IWS1: variants seen among roughly 807,000 people sequenced by gnomAD.
The protein encoded by IWS1 is interacts with SUPT6H, CTD assembly factor 1.
Under a neutral mutation model 86.7 loss-of-function variants are expected in IWS1, and 27 were observed. The observed-to-expected ratio is 0.31, with a 90% CI of 0.23 to 0.43. The LOEUF (loss-of-function observed/expected upper bound fraction) is 0.43. Among genes scored for constraint, IWS1 ranks in the 20% least tolerant of loss-of-function variants. The pLI is 1.00. For synonymous variants in IWS1, 313 were observed against 335.1 expected (o/e 0.93, Z 0.72); for missense variants, 827 against 1,000.8 (o/e 0.83, Z 2.34).
chr2:127,515,879 G>A (rs1321934916), intron 2 of IWS1, among the ~76,000 whole-genome samples: 4 of 152,122 alleles, frequency 2.6e-5, no homozygotes, highest in Admixed American at 6.6e-5. Flanking sequence ...GGAAGAGCAG[G>A]GCATCAGCAT....
At chr2:127,502,914 C>A (rs1360566787) in intron 4 of IWS1, 42 bp from the exon 5 acceptor site, 1 of 1,145,002 alleles carries the variant, frequency 8.7e-7, no homozygotes, top group South Asian at 1.3e-5. Context: ...TTGCTTTATC[C>A]TCATTTGCAT....
chr2:127,503,701 TAAATA>T (rs1553435794), intron 3 of IWS1, 125 bp from the exon 4 acceptor site: 1 of 326,038 alleles, frequency 3.1e-6, no homozygotes. Flanking sequence ...AATAAATAAA[TAAATA>T]AAATAAAATC....
intron 2 of IWS1, among the ~76,000 whole-genome samples, chr2:127,517,952 A>G (rs1048309188): frequency 1.3e-5 from 2 of 152,238 alleles, no homozygotes; most frequent in South Asian, 2.1e-4. Context: ...GCTAAGTGAA[A>G]TAAGTCACAA....
chr2:127,503,635 C>T, intron 3 of IWS1, 59 bp from the exon 4 acceptor site: 1 of 1,186,348 alleles, frequency 8.4e-7, no homozygotes, highest in South Asian at 2.2e-5. Flanking sequence ...TATTACTAAG[C>T]ATAACAGGTG....
In IWS1 at chr2:127,493,334, T is replaced by C; in HGVS notation, c.1876A>G (p.Arg626Gly). 1 of 1,613,820 alleles carries C rather than the reference T, an allele frequency of 6.2e-7. No individual in the cohort carries two copies. Among genetic ancestry groups the C allele is most frequent in the Non-Finnish European group, 8.5e-7 (1 of 1,179,890 alleles). The change falls in exon 9 of 14, where the codon AGG becomes GGG. Residue 626 changes from arginine to glycine, a missense_variant. Transcript: ENST00000295321. The stretch of plus-strand genomic sequence containing the variant: ...CGGATCTTGAGTGCAGGCAAACTCC[T>C]ATCTGGTAGAGGTGAGAGCCATTCT... ...IKEWLSPLPD[R>G]SLPALKIREE...
In IWS1 at chr2:127,495,983, A is replaced by G. The variant is rs1169185441; in HGVS notation, c.1716+15T>C. On this transcript the variant is annotated intron_variant, in intron 7 of 13. Transcript: ENST00000295321. Reference sequence around the variant, plus strand: ...GGGAGGAAAAAAAGGTGAACCTAGAAGCGACCCAGCTCACCTCAGCAGCTT... The same window carrying G: ...GGGAGGAAAAAAAGGTGAACCTAGAGGCGACCCAGCTCACCTCAGCAGCTT... 3 of 1,595,318 alleles carry G rather than the reference A, an allele frequency of 1.9e-6. No homozygotes were observed. The highest frequency in any genetic ancestry group is 2.6e-6 in the Non-Finnish European group (3 of 1,171,630).
rs370254681 is a variant in IWS1, at chr2:127,498,131, C to A, written c.1565+9G>T. ...TTCTCTTTAACAAATTCCTTAAAAA[C>A]AAACTTACTGTTTTCCTCTCTTTAT... is the stretch of plus-strand genomic sequence containing the variant. On this transcript the variant is annotated intron_variant, in intron 6 of 13. Coordinates refer to ENST00000295321, the MANE Select transcript of IWS1 (RefSeq NM_017969.3). The A allele has an allele frequency of 6.4e-7, 1 of 1,563,252 alleles. No individual in the cohort carries two copies. Among genetic ancestry groups the A allele is most frequent in the African/African-American group, 1.4e-5 (1 of 73,632 alleles).
At chr2:127,515,421 C>T (rs1177551501) in intron 2 of IWS1, among the ~76,000 whole-genome samples, 1 of 152,136 alleles carries the variant, frequency 6.6e-6, no homozygotes, top group Non-Finnish European at 1.5e-5. Context: ...CAGGCAGGAC[C>T]CGGAGGTCCT....
intron 10 of IWS1, among the ~76,000 whole-genome samples, chr2:127,490,413 G>A (rs372328545): frequency 1.3e-5 from 2 of 152,176 alleles, no homozygotes; most frequent in East Asian, 3.8e-4. Flanking sequence ...AATAGTGCGG[G>A]TGGAGACTTT....
At chr2:127,510,292 C>A (rs992592811) in intron 2 of IWS1, among the ~76,000 whole-genome samples, 2 of 152,096 alleles carry the variant, frequency 1.3e-5, no homozygotes, top group African/African-American at 4.8e-5. Context: ...GCTGTCAATC[C>A]AATGTAGTTC....
At chr2:127,500,814 G>A (rs1021393353) in intron 5 of IWS1, among the ~76,000 whole-genome samples, 1 of 151,572 alleles carries the variant, frequency 6.6e-6, no homozygotes, top group Non-Finnish European at 1.5e-5. Flanking sequence ...GCTCATTTTC[G>A]ACTGATTAGT....
At chr2:127,510,494 GTTTGT>G (rs1201339653) in intron 2 of IWS1, among the ~76,000 whole-genome samples, 1 of 152,016 alleles carries the variant, frequency 6.6e-6, no homozygotes, top group Non-Finnish European at 1.5e-5. Flanking sequence ...TGTTTGTTTG[GTTTGT>G]TTTGTCTTTT....
intron 7 of IWS1, 77 bp from the exon 8 acceptor site, chr2:127,495,031 C>T (rs1268132952): frequency 2.4e-6 from 2 of 826,456 alleles, no homozygotes; most frequent in Non-Finnish European, 3.8e-6. Flanking sequence ...AATTCTGAAC[C>T]TTAAAATAAC....
At chr2:127,526,885 A>T (rs1573584022), upstream of IWS1, 2 of 339,406 alleles carry the variant, frequency 5.9e-6, no homozygotes, top group East Asian at 1.6e-4. Flanking sequence ...GACTTGTAGT[A>T]TGACGCCCGC....
chr2:127,483,001 G>C (rs1689713662), intron 13 of IWS1: 2 of 145,848 alleles, frequency 1.4e-5, no homozygotes, highest in Non-Finnish European at 3.0e-5. Context: ...ACCCAATAAG[G>C]TATAAAAGAA....
At chr2:127,522,276 C>T (rs1219537497) in intron 2 of IWS1, among the ~76,000 whole-genome samples, 3 of 152,164 alleles carry the variant, frequency 2.0e-5, no homozygotes, top group African/African-American at 7.2e-5. Context: ...TCCTTTGCCT[C>T]CCTTCACACC....
At chr2:127,525,193 T>C (rs1263389493) in intron 1 of IWS1, among the ~76,000 whole-genome samples, 2 of 151,872 alleles carry the variant, frequency 1.3e-5, no homozygotes, top group Admixed American at 1.3e-4. Flanking sequence ...ACTCCTGGGC[T>C]CAAGCCATCG....
At position 127,502,788 on chromosome 2, in the gene IWS1, G is replaced by A. The variant is rs1320581850; in HGVS notation, c.1467+27C>T. The A allele has an allele frequency of 8.4e-6, 11 of 1,309,082 alleles. No homozygotes were observed. In the Admixed American group the frequency reaches 8.7e-5, roughly 10 times the overall value. The allele number at this position is 1,309,082 out of a possible 1,614,324, so 81.1% of individuals were successfully genotyped here. ...AACACCAAAAAAAAGCACAATCAAG[G>A]AGGAAATATTTCCATCTTATACTTA... On this transcript the variant is annotated intron_variant, in intron 5 of 13. Transcript: ENST00000295321.
In IWS1 at chr2:127,499,178, C is replaced by T. The variant is rs1318808858; in HGVS notation, c.1468-941G>A. Among the ~76,000 whole-genome samples the T allele has an allele frequency of 1.3e-5, 2 of 151,490 alleles. No homozygotes were observed. The highest frequency in any genetic ancestry group is 6.6e-5 in the Admixed American group (1 of 15,210). ...TGATCTCGGCTCACTGCAAGCTCCA[C>T]CTCCCGGGTTCATGCCATTCTCCTG... On this transcript the variant is annotated intron_variant, in intron 5 of 13. Coordinates refer to ENST00000295321, the MANE Select transcript of IWS1 (RefSeq NM_017969.3). This position sits in a 1 kb window ranked among gnomAD's most constrained non-coding sequence, Gnocchi z 4.0.
Sources: gnomAD v4.1 joint callset for allele counts (sites outside exome capture counted in the v4.1 genomes callset) on GRCh38, gnomAD v4.1.1 for gene constraint, Gnocchi (gnomAD v3.1) non-coding constraint, MANE v1.5 for transcripts, NCBI Gene and HGNC (gene_info 2026-07-23, HGNC 2026-07-21) for gene names.